OSBPL3: variants seen among roughly 807,000 people sequenced by gnomAD.
OSBPL3 encodes oxysterol binding protein like 3, also known as oxysterol-binding protein-related protein 3.
A neutral mutation model predicts 120.1 loss-of-function variants in OSBPL3; 65 were observed. That is an observed-to-expected ratio of 0.54 (90% CI 0.44 to 0.67). The LOEUF (loss-of-function observed/expected upper bound fraction) is 0.67. Among genes scored for constraint, OSBPL3 ranks in the 30% least tolerant of loss-of-function variants. OSBPL3 has a pLI of 0.00. For synonymous variants in OSBPL3, 416 were observed against 402.6 expected (o/e 1.03, Z -0.40); for missense variants, 1,004 against 1,082.1 (o/e 0.93, Z 1.01).
intron 2 of OSBPL3, among the ~76,000 whole-genome samples, chr7:24,876,615 C>A (rs1219329532): frequency 6.6e-6 from 1 of 152,008 alleles, no homozygotes; most frequent in Non-Finnish European, 1.5e-5. Context: ...GTTCTCAAAC[C>A]AAGTAAATGG....
chr7:24,865,270 T>C (rs2040690), intron 7 of OSBPL3, 72 bp downstream of exon 7: 535,582 of 1,492,698 alleles, frequency 0.36, 107,670 homozygotes, highest in East Asian at 0.78. Context: ...CACAAATGAA[T>C]CTGAAGTGTA....
chr7:24,974,848 G>A (rs55695918), intron 1 of OSBPL3, among the ~76,000 whole-genome samples: 35,749 of 152,130 alleles, frequency 0.23, 5,165 homozygotes, highest in Non-Finnish European at 0.34. Context: ...GGGAATGGAC[G>A]GGCAGTATGG....
rs759573211 is a variant in OSBPL3, at chr7:24,831,545, C to T, written c.1747-640G>A. Among the ~76,000 whole-genome samples, 13 of 152,070 alleles carry T rather than the reference C, an allele frequency of 8.5e-5. No homozygotes were observed. Among genetic ancestry groups the T allele is most frequent in the Non-Finnish European group, 1.3e-4 (9 of 68,018 alleles). ...AAGGAAGAAAAACTTTACGTGAACA[C>T]GAAGTGAACAAACTCTCTGGGCAGC... On this transcript the variant is annotated intron_variant, in intron 15 of 22. Transcript: ENST00000313367. This position sits in a 1 kb window ranked among gnomAD's most constrained non-coding sequence, Gnocchi z 4.0.
chr7:24,970,589 A>G (rs1467227599), intron 1 of OSBPL3, among the ~76,000 whole-genome samples: 1 of 151,966 alleles, frequency 6.6e-6, no homozygotes, highest in Non-Finnish European at 1.5e-5. Flanking sequence ...AGATAGATAT[A>G]AAAAACACAA....
At chr7:24,846,828 G>T (rs1798501662) in intron 12 of OSBPL3, among the ~76,000 whole-genome samples, 1 of 152,166 alleles carries the variant, frequency 6.6e-6, no homozygotes. Flanking sequence ...ACTTTGGGAG[G>T]CCGAGGTGGG....
Position 24,922,517 on chromosome 7 carries a change from A to T in OSBPL3, c.-149-29896T>A, listed in dbSNP as rs1443885834. Reference sequence around the variant, plus strand: ...AACATGACTTTCTCATTAAACAATTAAATACATAAAATGCACTATGTGATT... The same window carrying T: ...AACATGACTTTCTCATTAAACAATTTAATACATAAAATGCACTATGTGATT... On this transcript the variant is annotated intron_variant, in intron 1 of 22. Transcript: ENST00000313367. This position sits in a 1 kb window ranked among gnomAD's most constrained non-coding sequence, Gnocchi z 4.3. Among the ~76,000 whole-genome samples, 3 of 152,226 alleles carry T rather than the reference A, an allele frequency of 2.0e-5. No homozygotes were observed. The highest frequency in any genetic ancestry group is 7.2e-5 in the African/African-American group (3 of 41,448).
chr7:24,921,421 G>T (rs185219339), intron 1 of OSBPL3, among the ~76,000 whole-genome samples: 1 of 152,282 alleles, frequency 6.6e-6, no homozygotes, highest in East Asian at 1.9e-4. Context: ...AGTTCCAAAA[G>T]GTAATTGTAA....
intron 1 of OSBPL3, among the ~76,000 whole-genome samples, chr7:24,903,188 G>A (rs1395610564): frequency 6.6e-6 from 1 of 152,114 alleles, no homozygotes; most frequent in Non-Finnish European, 1.5e-5. Flanking sequence ...TCATCTTCTG[G>A]GTGAGCCCTG....
In OSBPL3 at chr7:24,872,747, T is replaced by A. The variant is rs957412102; in HGVS notation, c.97-678A>T. ...TTCTTTGGCCAATTATTACAAATAG[T>A]TGTTACAACTAATCTTCCACTATTG... On this transcript the variant is annotated intron_variant, in intron 2 of 22. Coordinates refer to ENST00000313367, the MANE Select transcript of OSBPL3 (RefSeq NM_015550.4). The surrounding 1 kb of genome is among the most constrained non-coding windows in gnomAD (Gnocchi z 4.1). Among the ~76,000 whole-genome samples the A allele has an allele frequency of 5.3e-5, 8 of 152,158 alleles. No individual in the cohort carries two copies. Among genetic ancestry groups the A allele is most frequent in the Non-Finnish European group, 1.0e-4 (7 of 68,032 alleles).
intron 1 of OSBPL3, among the ~76,000 whole-genome samples, chr7:24,928,385 G>T (rs1248183835): frequency 6.6e-6 from 1 of 151,972 alleles, no homozygotes; most frequent in Non-Finnish European, 1.5e-5. Context: ...TAGAGACGGG[G>T]TTTCACCGTG....
rs914940840 is a variant in OSBPL3, at chr7:24,833,186, C to T, written c.1746+1300G>A. 6.6e-6 allele frequency among the ~76,000 whole-genome samples: 1 copy of T among 152,164 alleles called. No homozygotes were observed. Among genetic ancestry groups the T allele is most frequent in the Non-Finnish European group, 1.5e-5 (1 of 68,036 alleles). ...AAATACAGCTTGTTTTTGTCTCCTA[C>T]CCTGATTATCAGTAACAAGAAAGAA... On this transcript the variant is annotated intron_variant, in intron 15 of 22. Transcript: ENST00000313367. This position sits in a 1 kb window ranked among gnomAD's most constrained non-coding sequence, Gnocchi z 4.4.
At chr7:24,915,559 T>A (rs1384156931) in intron 1 of OSBPL3, among the ~76,000 whole-genome samples, 1 of 151,894 alleles carries the variant, frequency 6.6e-6, no homozygotes, top group African/African-American at 2.4e-5. Flanking sequence ...AAATTCACCA[T>A]GTTGCCCACC....
intron 1 of OSBPL3, among the ~76,000 whole-genome samples, chr7:24,970,088 T>C (rs576552253): frequency 5.3e-5 from 8 of 150,178 alleles, no homozygotes; most frequent in Non-Finnish European, 1.0e-4. Flanking sequence ...CTTCCTACCT[T>C]TCCCTTCGTC....
At chr7:24,853,506 C>T (rs1799434338) in intron 10 of OSBPL3, among the ~76,000 whole-genome samples, 1 of 152,024 alleles carries the variant, frequency 6.6e-6, no homozygotes, top group African/African-American at 2.4e-5. Flanking sequence ...TTAAAGGAGG[C>T]AAAAGAGGAA....
chr7:24,895,842 T>C (rs1246235567), intron 1 of OSBPL3, among the ~76,000 whole-genome samples: 1 of 152,234 alleles, frequency 6.6e-6, no homozygotes, highest in Non-Finnish European at 1.5e-5. Flanking sequence ...TATTTCCACC[T>C]TATTTTGTAC....
Position 24,898,488 on chromosome 7 carries a change from G to C in OSBPL3, c.-149-5867C>G, listed in dbSNP as rs1806501694. On this transcript the variant is annotated intron_variant, in intron 1 of 22. Coordinates refer to ENST00000313367, the MANE Select transcript of OSBPL3 (RefSeq NM_015550.4). This position sits in a 1 kb window ranked among gnomAD's most constrained non-coding sequence, Gnocchi z 4.3. ...TCACTTTTGGCAAGACAGGAGTCAA[G>C]AGGCCTAAAGACTCAAATGCTTACT... is the stretch of plus-strand genomic sequence containing the variant. Among the ~76,000 whole-genome samples, 1 of 152,008 alleles carries C rather than the reference G, an allele frequency of 6.6e-6. No individual in the cohort carries two copies.
intron 1 of OSBPL3, among the ~76,000 whole-genome samples, chr7:24,954,338 A>T (rs1814789857): frequency 6.6e-6 from 1 of 152,212 alleles, no homozygotes. Context: ...AAAATCTTTC[A>T]GTCCCAAGGT....
intron 1 of OSBPL3, among the ~76,000 whole-genome samples, chr7:24,934,645 T>C (rs1377722670): frequency 6.6e-6 from 1 of 152,196 alleles, no homozygotes; most frequent in African/African-American, 2.4e-5. Context: ...CTTAGACGGC[T>C]TTATCCTTTA....
chr7:24,889,185 A>G (rs1804965311), intron 2 of OSBPL3, among the ~76,000 whole-genome samples: 6 of 152,192 alleles, frequency 3.9e-5, no homozygotes, highest in Admixed American at 3.3e-4. Context: ...AAAGAAAGAC[A>G]TCTTGTCATT....
Sources: allele counts gnomAD v4.1 joint callset (sites outside exome capture counted in the v4.1 genomes callset), GRCh38; gene constraint gnomAD v4.1.1; non-coding constraint Gnocchi (gnomAD v3.1); transcripts MANE v1.5; gene names NCBI Gene and HGNC (gene_info 2026-07-23, HGNC 2026-07-21).